The following R3HDM1 variants were observed in gnomAD, a reference collection of about 807,000 sequenced individuals.
R3HDM1 encodes the protein R3H domain containing 1.
A neutral mutation model predicts 141.1 loss-of-function variants in R3HDM1; 46 were observed. That is an observed-to-expected ratio of 0.33 (90% CI 0.26 to 0.42). The LOEUF (loss-of-function observed/expected upper bound fraction) is 0.42, where lower values mean the gene tolerates loss of function less well. Ranked by LOEUF, R3HDM1 falls within the 10% of genes least tolerant of loss-of-function variation. R3HDM1 has a pLI of 1.00. For synonymous variants in R3HDM1, 435 were observed against 472.9 expected, an observed-to-expected ratio of 0.92 and a Z score of 1.04; for missense variants, 1,184 against 1,368.3, an observed-to-expected ratio of 0.87 and a Z score of 2.12.
rs181538931 is a variant in R3HDM1 at position 135,693,988 on chromosome 2, G to A, written c.2459+13664G>A. 5.0e-3 allele frequency among the ~76,000 whole-genome samples: 758 copies of A among 152,032 alleles called. 3 individuals are homozygous for A. Among genetic ancestry groups the A allele is most frequent in the Middle Eastern group, 0.01 (3 of 294 alleles). On this transcript the variant is annotated intron_variant, in intron 21 of 26. Coordinates refer to ENST00000683871, the MANE Select transcript of R3HDM1 (RefSeq NM_001378107.1). ...CATTGCACTCCAGCCTGGGGAACAA[G>A]AGCGAAACTGCCTCAAAAAAAAAAG...
At chr2:135,653,530 T>A (rs2065394141) in intron 18 of R3HDM1, among the ~76,000 whole-genome samples, 1 of 152,236 alleles carries the variant, frequency 6.6e-6, no homozygotes, top group Non-Finnish European at 1.5e-5. Context: ...AGTATGTTAG[T>A]TATTATTTAG....
chr2:135,557,793 G>A (rs1701064931), intron 1 of R3HDM1, among the ~76,000 whole-genome samples: 1 of 152,192 alleles, frequency 6.6e-6, no homozygotes, highest in African/African-American at 2.4e-5. Context: ...GCCAGGCAAG[G>A]CTGCTGACAT....
intron 21 of R3HDM1, among the ~76,000 whole-genome samples, chr2:135,706,743 A>G (rs919132433): frequency 6.6e-6 from 1 of 152,214 alleles, no homozygotes; most frequent in East Asian, 1.9e-4. Flanking sequence ...TTTTCTTAGT[A>G]TAGAACAAAA....
At chr2:135,610,846 G>T (rs1166126778) in intron 3 of R3HDM1, among the ~76,000 whole-genome samples, 2 of 152,084 alleles carry the variant, frequency 1.3e-5, no homozygotes, top group Non-Finnish European at 2.9e-5. Context: ...AAGCGTGGTG[G>T]CTCCTGCCAG....
At chr2:135,547,767 CTTT>C (rs56950620) in intron 1 of R3HDM1, among the ~76,000 whole-genome samples, 1 of 107,372 alleles carries the variant, frequency 9.3e-6, no homozygotes, top group Admixed American at 1.1e-4. Flanking sequence ...TTTTTCTTTT[CTTT>C]TTTTTTTTTT....
chr2:135,604,534 C>T (rs1036256096), intron 2 of R3HDM1, among the ~76,000 whole-genome samples: 1 of 152,182 alleles, frequency 6.6e-6, no homozygotes, highest in African/African-American at 2.4e-5. Flanking sequence ...TGGACTCAAG[C>T]AGTCATCCTG....
intron 21 of R3HDM1, among the ~76,000 whole-genome samples, chr2:135,692,612 A>G (rs565843937): frequency 1.3e-5 from 2 of 152,268 alleles, no homozygotes; most frequent in South Asian, 4.1e-4. Flanking sequence ...AATAAACATT[A>G]TGCTTAAACT....
chr2:135,682,996 CA>C (rs977667591), intron 21 of R3HDM1, among the ~76,000 whole-genome samples: 5 of 151,644 alleles, frequency 3.3e-5, no homozygotes, highest in African/African-American at 1.2e-4. Flanking sequence ...GACTCTGCCT[CA>C]AAAAAATAAA....
intron 19 of R3HDM1, among the ~76,000 whole-genome samples, chr2:135,674,544 A>G (rs1489778780): frequency 6.6e-6 from 1 of 152,204 alleles, no homozygotes; most frequent in Non-Finnish European, 1.5e-5. Context: ...GAGACAAAAT[A>G]CAATTCGTAT....
intron 1 of R3HDM1, among the ~76,000 whole-genome samples, chr2:135,565,323 AT>A: frequency 1.4e-5 from 1 of 68,966 alleles, no homozygotes; most frequent in East Asian, 1.4e-3. Flanking sequence ...ATGAAAAAAA[AT>A]TATTATTATT....
chr2:135,595,983 C>A (rs985841814), intron 1 of R3HDM1, among the ~76,000 whole-genome samples: 5 of 152,020 alleles, frequency 3.3e-5, no homozygotes, highest in Non-Finnish European at 7.4e-5. Context: ...CTCCTGGGAT[C>A]AGTACTAAGT....
intron 19 of R3HDM1, among the ~76,000 whole-genome samples, chr2:135,672,396 T>C (rs1480301660): frequency 1.3e-5 from 2 of 152,216 alleles, no homozygotes; most frequent in African/African-American, 2.4e-5. Flanking sequence ...CATTAAAACA[T>C]ATTAACTGTC....
chr2:135,581,751 T>C (rs1419195030), intron 1 of R3HDM1, among the ~76,000 whole-genome samples: 3 of 152,212 alleles, frequency 2.0e-5, no homozygotes, highest in Non-Finnish European at 2.9e-5. Context: ...AAGTTTTACT[T>C]TGAAGTATCT....
At chr2:135,632,064 A>G in intron 9 of R3HDM1, 63 bp downstream of exon 9, 1 of 1,260,300 alleles carries the variant, frequency 7.9e-7, no homozygotes, top group Non-Finnish European at 1.1e-6. Flanking sequence ...ATCTTTCTAT[A>G]TTACCTTTCA....
At chr2:135,562,262 C>T (rs977980209) in intron 1 of R3HDM1, among the ~76,000 whole-genome samples, 10 of 152,192 alleles carry the variant, frequency 6.6e-5, no homozygotes, top group Admixed American at 5.2e-4. Context: ...TAGCCAACAT[C>T]TTTCAGTTAT....
intron 20 of R3HDM1, among the ~76,000 whole-genome samples, 183 bp from the exon 21 acceptor site, chr2:135,679,990 G>A (rs1259724139): frequency 6.6e-6 from 1 of 152,152 alleles, no homozygotes; most frequent in Non-Finnish European, 1.5e-5. Flanking sequence ...TGAGGCAGGA[G>A]AATTGCTTCA....
intron 3 of R3HDM1, among the ~76,000 whole-genome samples, chr2:135,612,000 C>A (rs1010484727): frequency 1.3e-5 from 2 of 152,218 alleles, no homozygotes; most frequent in East Asian, 3.8e-4. Context: ...ACTTTCTCCA[C>A]ATACTTTTCG....
intron 19 of R3HDM1, chr2:135,667,470 TTTACAAAATAGAGGCTTTCCCACAATA>T: frequency 8.2e-6 from 3 of 364,576 alleles, no homozygotes; most frequent in Non-Finnish European, 1.1e-5. Context: ...CATTTCTTAC[TTTACAAAATAGAGGCTTTCCCACAATA>T]TTGACGTAAA....
chr2:135,574,628 C>A (rs1704953931), intron 1 of R3HDM1, among the ~76,000 whole-genome samples: 1 of 152,084 alleles, frequency 6.6e-6, no homozygotes, highest in South Asian at 2.1e-4. Flanking sequence ...TATACCATGA[C>A]CATGTGAGAT....
Sources: allele counts gnomAD v4.1 joint callset (sites outside exome capture counted in the v4.1 genomes callset), GRCh38; gene constraint gnomAD v4.1.1; transcripts MANE v1.5; gene names NCBI Gene and HGNC (gene_info 2026-07-23, HGNC 2026-07-21).